Variants in MAGI2 observed in about 807,000 individuals in gnomAD.
MAGI2 encodes membrane associated guanylate kinase, WW and PDZ domain containing 2, also known as membrane-associated guanylate kinase, WW and PDZ domain-containing protein 2.
A neutral mutation model predicts 133.3 loss-of-function variants in MAGI2; 35 were observed. That is an observed-to-expected ratio of 0.26 (90% CI 0.20 to 0.35). The LOEUF (loss-of-function observed/expected upper bound fraction) is 0.35. Among genes scored for constraint, MAGI2 ranks in the 10% least tolerant of loss-of-function variants. The probability of loss-of-function intolerance (pLI) is 1.00; values close to 1 mark genes in which losing one functional copy is unlikely to be tolerated. For missense variants in MAGI2, 1,636 were observed against 1,863.4 expected, an observed-to-expected ratio of 0.88 and a Z score of 2.25; for synonymous variants, 729 against 710.6, an observed-to-expected ratio of 1.03 and a Z score of -0.41.
chr7:78,777,885 G>A (rs965103113), intron 2 of MAGI2, among the ~76,000 whole-genome samples: 6 of 151,296 alleles, frequency 4.0e-5, no homozygotes, highest in South Asian at 2.1e-4. Flanking sequence ...CAGAAGGACC[G>A]CTCTAGATGA....
intron 1 of MAGI2, among the ~76,000 whole-genome samples, chr7:79,154,535 T>C (rs1381166017): frequency 6.6e-6 from 1 of 152,138 alleles, no homozygotes; most frequent in African/African-American, 2.4e-5. Context: ...CCAGTGTTGG[T>C]TTCAAGAAAA....
At position 78,127,286 on chromosome 7, in the gene MAGI2, A is replaced by G. The variant is rs1017092179; in HGVS notation, c.3334T>C (p.Leu1112=). ...PGGDYQQPPP[L]DYRQPPLLDY... Reference sequence around the variant, plus strand: ...AGTAGGGGAGGCTGCCTGTAGTCCAAGGGTGGGGGCTGCTGGTAGTCCCCT... The same window carrying G: ...AGTAGGGGAGGCTGCCTGTAGTCCAGGGGTGGGGGCTGCTGGTAGTCCCCT... Residue 1112 remains leucine, a synonymous_variant, in exon 19 of 22, where the codon TTG becomes CTG. Coordinates refer to ENST00000354212, the MANE Select transcript of MAGI2 (RefSeq NM_012301.4). The G allele has an allele frequency of 6.2e-7, 1 of 1,607,722 alleles. No homozygotes were observed. The highest frequency in any genetic ancestry group is 1.3e-5 in the African/African-American group (1 of 74,848).
intron 1 of MAGI2, among the ~76,000 whole-genome samples, chr7:79,095,767 T>G (rs1195286060): frequency 6.6e-6 from 1 of 152,140 alleles, no homozygotes; most frequent in African/African-American, 2.4e-5. Context: ...TGATAATAGA[T>G]CATCATAATC....
chr7:78,780,030 C>A (rs1311985990), intron 2 of MAGI2, among the ~76,000 whole-genome samples: 1 of 152,182 alleles, frequency 6.6e-6, no homozygotes, highest in African/African-American at 2.4e-5. Flanking sequence ...AGAAATCAAA[C>A]CCTTAATTAA....
At chr7:78,706,682 C>CGACT (rs1818682328) in intron 2 of MAGI2, among the ~76,000 whole-genome samples, 1 of 151,966 alleles carries the variant, frequency 6.6e-6, no homozygotes, top group Non-Finnish European at 1.5e-5. Flanking sequence ...TTTAAATTAT[C>CGACT]GACTCCTATA....
At chr7:78,393,711 T>G (rs1208053106) in intron 6 of MAGI2, among the ~76,000 whole-genome samples, 1 of 152,194 alleles carries the variant, frequency 6.6e-6, no homozygotes, top group Non-Finnish European at 1.5e-5. Flanking sequence ...AAGGAAGAAC[T>G]GACAGAGTTG....
intron 1 of MAGI2, among the ~76,000 whole-genome samples, chr7:79,304,181 A>ATGTGTGTG (rs373644525): frequency 0.062 from 8,820 of 142,142 alleles, 398 homozygotes; most frequent in African/African-American, 0.099. Context: ...TTCAACTGGG[A>ATGTGTGTG]TGTGTGTGTG....
chr7:78,201,133 A>C (rs1584369001), intron 11 of MAGI2, 29 bp downstream of exon 11: 1 of 1,432,850 alleles, frequency 7.0e-7, no homozygotes, highest in Non-Finnish European at 9.4e-7. Flanking sequence ...AGTAGAAATA[A>C]AGAAAGAAGC....
At chr7:78,846,589 G>T (rs1034965885) in intron 2 of MAGI2, among the ~76,000 whole-genome samples, 9 of 151,888 alleles carry the variant, frequency 5.9e-5, no homozygotes, top group African/African-American at 2.2e-4. Context: ...CCAATGACTG[G>T]GTTCCTAGAC....
At chr7:78,410,065 T>C (rs1797730670) in intron 6 of MAGI2, among the ~76,000 whole-genome samples, 1 of 151,856 alleles carries the variant, frequency 6.6e-6, no homozygotes, top group African/African-American at 2.4e-5. Flanking sequence ...ATGGTCTCAG[T>C]CCACGACCCC....
chr7:79,387,292 T>C (rs757315719), intron 1 of MAGI2, among the ~76,000 whole-genome samples: 53 of 152,062 alleles, frequency 3.5e-4, no homozygotes, highest in Non-Finnish European at 6.0e-4. Flanking sequence ...TCTACTTTCC[T>C]CTTGCTTTTC....
chr7:78,515,982 C>G (rs1451871793), intron 4 of MAGI2, among the ~76,000 whole-genome samples: 1 of 152,064 alleles, frequency 6.6e-6, no homozygotes, highest in Non-Finnish European at 1.5e-5. Flanking sequence ...AAGTTACCAA[C>G]AAGTACCAGG....
chr7:78,834,694 T>C (rs977852536), intron 2 of MAGI2, among the ~76,000 whole-genome samples: 10 of 152,188 alleles, frequency 6.6e-5, no homozygotes, highest in Admixed American at 6.5e-4. Flanking sequence ...GATATTGATA[T>C]AGTTTGGGTA....
intron 1 of MAGI2, among the ~76,000 whole-genome samples, chr7:79,365,867 C>CAAAAAAAA (rs71095399): frequency 9.8e-4 from 48 of 48,860 alleles, no homozygotes; most frequent in African/African-American, 2.6e-3. Flanking sequence ...ACTCTTGTCT[C>CAAAAAAAA]AAAAAAAAAA....
rs570420914 is a variant in MAGI2, at chr7:78,623,736, G to A, written c.538+3384C>T. Among the ~76,000 whole-genome samples, 3 of 152,180 alleles carry A rather than the reference G, an allele frequency of 2.0e-5. No individual in the cohort carries two copies. The South Asian group carries it at 6.2e-4, about 32-fold the overall frequency. On this transcript the variant is annotated intron_variant, in intron 3 of 21. Transcript: ENST00000354212. ...ACTTTTAACAACTTCAAAATATTGA[G>A]TTCTTGAATAACTACAGTTCACTAA...
chr7:79,398,843 A>G (rs1360652837), intron 1 of MAGI2, among the ~76,000 whole-genome samples: 1 of 152,166 alleles, frequency 6.6e-6, no homozygotes, highest in Non-Finnish European at 1.5e-5. Context: ...ACAAGTAAAA[A>G]AGAATTGATT....
At chr7:78,025,349 G>C (rs117299952) in intron 21 of MAGI2, among the ~76,000 whole-genome samples, 2,125 of 152,134 alleles carry the variant, frequency 0.014, 34 homozygotes, top group East Asian at 0.083. Flanking sequence ...ATTTTATTTC[G>C]TTGTAGTAAT....
chr7:78,624,084 A>T (rs116248520), intron 3 of MAGI2, among the ~76,000 whole-genome samples: 39 of 152,184 alleles, frequency 2.6e-4, no homozygotes, highest in African/African-American at 8.9e-4. Context: ...ATGATCAGTG[A>T]TGTTGAGTTT....
At chr7:79,319,216 C>T (rs1338122189) in intron 1 of MAGI2, among the ~76,000 whole-genome samples, 3 of 152,132 alleles carry the variant, frequency 2.0e-5, no homozygotes, top group Non-Finnish European at 4.4e-5. Flanking sequence ...TTCCTTCATA[C>T]ACATCCAGAC....
Sources: allele counts gnomAD v4.1 joint callset (sites outside exome capture counted in the v4.1 genomes callset), GRCh38; gene constraint gnomAD v4.1.1; transcripts MANE v1.5; gene names NCBI Gene and HGNC (gene_info 2026-07-23, HGNC 2026-07-21).